The following FGFR2 variants were observed in gnomAD, a reference collection of about 807,000 sequenced individuals.
FGFR2 encodes BEK fibroblast growth factor receptor.
FGFR2 carries 19 observed loss-of-function variants against 95.9 expected under a neutral mutation model. That is an observed-to-expected ratio of 0.20 (90% confidence interval 0.14 to 0.29). The LOEUF (loss-of-function observed/expected upper bound fraction) is 0.29, where lower values mean the gene tolerates loss of function less well. FGFR2 is among the 10% of genes least tolerant of loss of function. FGFR2 has a pLI of 1.00. For missense variants in FGFR2, 707 were observed against 1,056.9 expected (o/e 0.67, Z 4.59); for synonymous variants, 392 against 393.3 (o/e 1.00, Z 0.04).
chr10:121,593,092 C>T (rs796523853), intron 2 of FGFR2, among the ~76,000 whole-genome samples: 20 of 152,222 alleles, frequency 1.3e-4, no homozygotes, highest in African/African-American at 4.1e-4. Context: ...TGGAGGTTCT[C>T]GGAGCTGGAG....
intron 2 of FGFR2, among the ~76,000 whole-genome samples, chr10:121,578,366 C>G (rs1442265350): frequency 6.6e-6 from 1 of 152,210 alleles, no homozygotes; most frequent in South Asian, 2.1e-4. Flanking sequence ...TGGCAGGCTC[C>G]TATTCAGCCC....
chr10:121,597,326 G>A (rs1207201363), intron 1 of FGFR2, among the ~76,000 whole-genome samples: 1 of 152,226 alleles, frequency 6.6e-6, no homozygotes, highest in Admixed American at 6.5e-5. Context: ...GCAGGCAGGC[G>A]AACTAGAAAA....
At chr10:121,594,183 T>G (rs1466512636) in intron 1 of FGFR2, 5 of 447,208 alleles carry the variant, frequency 1.1e-5, no homozygotes, top group Non-Finnish European at 2.1e-5. Flanking sequence ...AAAAGCATAC[T>G]TTTAAGAAAC....
At chr10:121,569,380 C>T (rs1394100168) in intron 2 of FGFR2, among the ~76,000 whole-genome samples, 3 of 152,094 alleles carry the variant, frequency 2.0e-5, no homozygotes, top group African/African-American at 7.2e-5. Context: ...ACCACCACAC[C>T]CAGCTAACTT....
chr10:121,525,113 T>C (rs921021325), intron 6 of FGFR2, among the ~76,000 whole-genome samples: 5 of 152,162 alleles, frequency 3.3e-5, no homozygotes, highest in Non-Finnish European at 5.9e-5. Context: ...GATAAACACA[T>C]GGAAAATAGG....
chr10:121,514,983 G>A (rs1445330820), intron 9 of FGFR2, 134 bp downstream of exon 9: 10 of 843,902 alleles, frequency 1.2e-5, no homozygotes, highest in Middle Eastern at 3.7e-4. Context: ...CTGGGTGACC[G>A]CCAAGCATCA....
chr10:121,510,000 G>A (rs1236198829), intron 9 of FGFR2, among the ~76,000 whole-genome samples: 1 of 152,060 alleles, frequency 6.6e-6, no homozygotes, highest in Non-Finnish European at 1.5e-5. Flanking sequence ...AGAACACGAG[G>A]CTGGCATTAA....
In FGFR2 at chr10:121,479,465, A is replaced by T; in HGVS notation, c.*392T>A. ...ATTTATACATAATTTGAATATATTT[A>T]CATACATCCAGCACCTATATACTGC... On this transcript the variant is annotated 3_prime_UTR_variant, in exon 18 of 18. Coordinates refer to ENST00000358487, the MANE Select transcript of FGFR2 (RefSeq NM_000141.5). 1 of 514,042 alleles carries T rather than the reference A, an allele frequency of 1.9e-6. No homozygotes were observed. Among genetic ancestry groups the T allele is most frequent in the Non-Finnish European group, 3.3e-6 (1 of 302,910 alleles). 31.8% of individuals were successfully genotyped at this position (514,042 alleles called of 1,614,324 possible). A position where few individuals can be genotyped will look rare whatever the true frequency, so the allele number is the denominator to read the frequency against.
chr10:121,480,518 T>A (rs1442250700), intron 17 of FGFR2: 1 of 225,014 alleles, frequency 4.4e-6, no homozygotes, highest in Non-Finnish European at 9.0e-6. Flanking sequence ...ACTATGAATA[T>A]TTATTTTCTG....
intron 9 of FGFR2, among the ~76,000 whole-genome samples, chr10:121,514,774 C>T (rs1038183391): frequency 2.6e-5 from 4 of 152,168 alleles, no homozygotes; most frequent in East Asian, 1.9e-4. Flanking sequence ...TCACAGGACA[C>T]GAATGTGGCT....
At chr10:121,490,274 CT>C (rs746365358) in intron 13 of FGFR2, among the ~76,000 whole-genome samples, 4 of 147,318 alleles carry the variant, frequency 2.7e-5, no homozygotes, top group Non-Finnish European at 5.9e-5. Context: ...AGTGATTCTC[CT>C]GCCCTCAGCC....
chr10:121,487,478 T>C, intron 14 of FGFR2, 54 bp from the exon 15 acceptor site: 1 of 1,452,922 alleles, frequency 6.9e-7, no homozygotes, highest in Non-Finnish European at 9.6e-7. Context: ...GAATTTATCT[T>C]AGCAGGCTCA....
chr10:121,597,339 T>A (rs1222265392), intron 1 of FGFR2, among the ~76,000 whole-genome samples: 1 of 152,176 alleles, frequency 6.6e-6, no homozygotes, highest in Non-Finnish European at 1.5e-5. Flanking sequence ...CTAGAAAAAG[T>A]CGGTCCAGTT....
intron 6 of FGFR2, among the ~76,000 whole-genome samples, chr10:121,521,621 A>G (rs1850552536): frequency 6.8e-6 from 1 of 146,702 alleles, no homozygotes; most frequent in Non-Finnish European, 1.5e-5. Flanking sequence ...ACAAGGAGCT[A>G]TCACATGACA....
Position 121,500,850 on chromosome 10 carries a change from T to C in FGFR2, c.1537A>G (p.Thr513Ala). ...IDKDKPKEAV[T>A]VAVKMLKDDA... is the part of the protein sequence containing the mutation. ...CCTTTCAACATCTTCACGGCCACGG[T>C]GACCGCCTCCTTGGGCTTGTCTTTG... The change falls in exon 11 of 18, where the codon ACC (threonine) becomes GCC (alanine). Residue 513 changes from threonine (T) to alanine (A), a missense_variant. Coordinates refer to ENST00000358487, the MANE Select transcript of FGFR2 (RefSeq NM_000141.5). 3 of 1,614,202 alleles carry C rather than the reference T, an allele frequency of 1.9e-6. No homozygotes were observed. The South Asian group carries it at 3.3e-5, about 18-fold the overall frequency.
At chr10:121,497,787 C>T (rs908271307) in intron 12 of FGFR2, among the ~76,000 whole-genome samples, 5 of 152,204 alleles carry the variant, frequency 3.3e-5, no homozygotes, top group African/African-American at 1.2e-4. Context: ...GCACTGCTTT[C>T]TCACTACTAT....
intron 2 of FGFR2, among the ~76,000 whole-genome samples, chr10:121,575,160 C>A (rs1292560240): frequency 2.6e-5 from 4 of 152,180 alleles, no homozygotes; most frequent in Non-Finnish European, 5.9e-5. Context: ...TCATTTAAGT[C>A]TGCCTTTGAG....
chr10:121,498,511 T>C lies in FGFR2; in HGVS notation c.1656A>G (p.Gly552=), dbSNP rs1314972280. 3 of 1,607,852 alleles carry C rather than the reference T, an allele frequency of 1.9e-6. No individual in the cohort carries two copies. The highest frequency in any genetic ancestry group is 2.6e-6 in the Non-Finnish European group (3 of 1,174,382). ...GKHKNIINLL[G]ACTQDGPLYV... is the part of the protein sequence containing the mutation. ...CCTACTCACCATCCTGTGTGCAGGC[T>C]CCAAGAAGATTTATGATATTCTTGT... Residue 552 remains glycine, a synonymous_variant, in exon 12 of 18, where the codon GGA becomes GGG. Coordinates refer to ENST00000358487, the MANE Select transcript of FGFR2 (RefSeq NM_000141.5).
chr10:121,510,961 C>A (rs558556612), intron 9 of FGFR2, among the ~76,000 whole-genome samples: 1 of 151,736 alleles, frequency 6.6e-6, no homozygotes, highest in Admixed American at 6.6e-5. Flanking sequence ...ATCACCACAC[C>A]CAGCTAATTT....
Sources: gnomAD v4.1 joint callset for allele counts (sites outside exome capture counted in the v4.1 genomes callset) on GRCh38, gnomAD v4.1.1 for gene constraint, MANE v1.5 for transcripts, NCBI Gene and HGNC (gene_info 2026-07-23, HGNC 2026-07-21) for gene names.